Variants in ENPEP observed in about 807,000 individuals in gnomAD.
ENPEP encodes the protein glutamyl aminopeptidase, also known as AP-A.
In ENPEP, 103 loss-of-function variants were observed where a neutral mutation model predicts 114.5. The observed-to-expected ratio is 0.90, with a 90% CI of 0.77 to 1.06. ENPEP has a LOEUF of 1.06. Ranked by LOEUF, ENPEP falls within the 50% of genes least tolerant of loss-of-function variation. The pLI, the probability that ENPEP is intolerant of heterozygous loss-of-function variation, is 0.00. For synonymous variants in ENPEP, 420 were observed against 422.0 expected (o/e 1.00, Z 0.06); for missense variants, 1,196 against 1,161.3 (o/e 1.03, Z -0.43).
chr4:110,561,325 C>A, intron 19 of ENPEP, 81 bp from the exon 20 acceptor site: 1 of 1,471,620 alleles, frequency 6.8e-7, no homozygotes, highest in South Asian at 1.2e-5. Flanking sequence ...AAGAAGAAAG[C>A]AAATCCAGTT....
At position 110,515,395 on chromosome 4, in the gene ENPEP, A is replaced by G. The variant is rs1440605562; in HGVS notation, c.1462A>G (p.Met488Val). The G allele has an allele frequency of 1.2e-6, 2 of 1,600,340 alleles. No individual in the cohort carries two copies. The highest frequency in any genetic ancestry group is 1.8e-5 in the Admixed American group (1 of 55,738). Residue 488 changes from methionine (M) to valine (V), a missense_variant, in exon 8 of 20, where the codon ATG becomes GTG. Coordinates refer to ENST00000265162, the MANE Select transcript of ENPEP (RefSeq NM_001977.4). ...SYSKGSSILRMLEDWIKPENF... is the reference protein window; with the variant it reads ...SYSKGSSILRVLEDWIKPENF... ...ATTGTAGGGATCTTCTATTTTGAGAATGCTTGAAGACTGGATAAAACCAGA... is the reference window on the plus strand; with the variant it reads ...ATTGTAGGGATCTTCTATTTTGAGAGTGCTTGAAGACTGGATAAAACCAGA...
intron 17 of ENPEP, 140 bp from the exon 18 acceptor site, chr4:110,553,175 T>A: frequency 1.4e-6 from 1 of 689,898 alleles, no homozygotes; most frequent in Non-Finnish European, 2.2e-6. Flanking sequence ...TCTTTCATCA[T>A]TTGTCATATT....
intron 13 of ENPEP, among the ~76,000 whole-genome samples, chr4:110,544,460 A>G (rs920595513): frequency 6.6e-6 from 1 of 152,102 alleles, no homozygotes; most frequent in Non-Finnish European, 1.5e-5. Context: ...CTCCAAGTTT[A>G]ACCTCCTGGA....
intron 14 of ENPEP, among the ~76,000 whole-genome samples, chr4:110,548,907 T>C (rs1267534714): frequency 6.6e-6 from 1 of 152,084 alleles, no homozygotes; most frequent in Non-Finnish European, 1.5e-5. Context: ...TTAATTTCCT[T>C]TGTACATTAG....
Position 110,477,611 on chromosome 4 carries a change from G to C in ENPEP, c.644+553G>C, listed in dbSNP as rs557245318. Among the ~76,000 whole-genome samples, 50 of 152,142 alleles carry C rather than the reference G, an allele frequency of 3.3e-4. 1 individual carries two copies. In the South Asian group the frequency reaches 0.01, roughly 31 times the overall value. On this transcript the variant is annotated intron_variant, in intron 1 of 19. Transcript: ENST00000265162. Reference sequence around the variant, plus strand: ...CTTTGTGTCTTCATCTGGAAAGGAAGACAGGACTGTGTTTTTTTCTGTCTC... The same window carrying C: ...CTTTGTGTCTTCATCTGGAAAGGAACACAGGACTGTGTTTTTTTCTGTCTC...
chr4:110,479,610 T>C (rs533068377), intron 1 of ENPEP, among the ~76,000 whole-genome samples: 3 of 152,314 alleles, frequency 2.0e-5, no homozygotes, highest in African/African-American at 7.2e-5. Flanking sequence ...AAGCGACTAT[T>C]CCTCTGAGCC....
chr4:110,483,472 T>C (rs927085056), intron 1 of ENPEP, among the ~76,000 whole-genome samples: 1 of 152,164 alleles, frequency 6.6e-6, no homozygotes, highest in Non-Finnish European at 1.5e-5. Context: ...TTTTTGGTTT[T>C]TTTTTTAGAG....
intron 11 of ENPEP, among the ~76,000 whole-genome samples, chr4:110,538,930 G>A (rs183218981): frequency 6.0e-4 from 91 of 152,200 alleles, no homozygotes; most frequent in African/African-American, 1.8e-3. Flanking sequence ...TGGCCAGCTG[G>A]TGGAGCAGTC....
At chr4:110,490,943 G>T (rs1280874831) in intron 2 of ENPEP, 90 bp from the exon 3 acceptor site, 16 of 1,375,992 alleles carry the variant, frequency 1.2e-5, no homozygotes, top group Non-Finnish European at 1.6e-5. Context: ...TGGCTAGAAA[G>T]CAAGGTTTGG....
chr4:110,491,869 C>T (rs111746830), intron 3 of ENPEP, among the ~76,000 whole-genome samples: 147 of 151,764 alleles, frequency 9.7e-4, no homozygotes, highest in African/African-American at 3.4e-3. Flanking sequence ...TACAGGCACC[C>T]GCCACCACGC....
intron 5 of ENPEP, 105 bp from the exon 6 acceptor site, chr4:110,510,140 C>T: frequency 1.1e-6 from 1 of 909,126 alleles, no homozygotes; most frequent in South Asian, 1.6e-5. Flanking sequence ...CCACTTCTGT[C>T]ACAGTGACAA....
At chr4:110,497,885 T>G (rs886778636) in intron 3 of ENPEP, among the ~76,000 whole-genome samples, 1 of 152,220 alleles carries the variant, frequency 6.6e-6, no homozygotes, top group African/African-American at 2.4e-5. Context: ...CCTCCTCTGC[T>G]AACTTTCCAC....
intron 1 of ENPEP, among the ~76,000 whole-genome samples, chr4:110,478,658 T>C (rs752195189): frequency 2.2e-4 from 33 of 152,292 alleles, no homozygotes; most frequent in Admixed American, 7.8e-4. Context: ...AGGCTGGTCT[T>C]GAACTCCTGG....
At chr4:110,549,181 T>C (rs1727188912) in intron 14 of ENPEP, among the ~76,000 whole-genome samples, 165 bp from the exon 15 acceptor site, 1 of 151,932 alleles carries the variant, frequency 6.6e-6, no homozygotes, top group South Asian at 2.1e-4. Flanking sequence ...TTGAAAAAAA[T>C]TGCAATGTGA....
At chr4:110,531,891 C>G (rs1726417981) in intron 11 of ENPEP, among the ~76,000 whole-genome samples, 1 of 152,014 alleles carries the variant, frequency 6.6e-6, no homozygotes, top group South Asian at 2.1e-4. Flanking sequence ...AAAACTATTT[C>G]TTTTCTAAGA....
intron 10 of ENPEP, among the ~76,000 whole-genome samples, chr4:110,529,382 C>A (rs1319471606): frequency 3.3e-5 from 5 of 152,044 alleles, no homozygotes; most frequent in African/African-American, 1.2e-4. Flanking sequence ...GTTTGGTGTC[C>A]CTAGAAGCAG....
intron 1 of ENPEP, among the ~76,000 whole-genome samples, chr4:110,482,891 C>T (rs1417998604): frequency 2.0e-5 from 3 of 152,132 alleles, no homozygotes; most frequent in African/African-American, 4.8e-5. Context: ...TGCCTGTAAT[C>T]CCAGCTACTC....
chr4:110,558,674 T>G (rs1727576270), intron 18 of ENPEP, among the ~76,000 whole-genome samples: 1 of 152,170 alleles, frequency 6.6e-6, no homozygotes, highest in Non-Finnish European at 1.5e-5. Flanking sequence ...TTCCAGGGGT[T>G]TAAGGTTTAT....
At chr4:110,558,001 G>A (rs1727537924) in intron 18 of ENPEP, among the ~76,000 whole-genome samples, 1 of 131,028 alleles carries the variant, frequency 7.6e-6, no homozygotes, top group Non-Finnish European at 1.6e-5. Context: ...TTCTCGATTA[G>A]TATTTGGCTT....
Sources: allele counts gnomAD v4.1 joint callset (sites outside exome capture counted in the v4.1 genomes callset), GRCh38; gene constraint gnomAD v4.1.1; transcripts MANE v1.5; gene names NCBI Gene and HGNC (gene_info 2026-07-23, HGNC 2026-07-21).